SLC22A23: variants seen among roughly 807,000 people sequenced by gnomAD.
The protein encoded by SLC22A23 is solute carrier family 22 member 23.
In SLC22A23, 26 loss-of-function variants were observed where a neutral mutation model predicts 61.0. That is an observed-to-expected ratio of 0.43 (90% CI 0.31 to 0.59). The LOEUF is 0.59. SLC22A23 is among the 20% of genes least tolerant of loss of function. The pLI is 0.11. For synonymous variants in SLC22A23, 430 were observed against 413.9 expected, an observed-to-expected ratio of 1.04 and a Z score of -0.47; for missense variants, 796 against 934.7, an observed-to-expected ratio of 0.85 and a Z score of 1.94.
chr6:3,419,568 T>C (rs1769979223), intron 1 of SLC22A23, among the ~76,000 whole-genome samples: 1 of 152,216 alleles, frequency 6.6e-6, no homozygotes, highest in Non-Finnish European at 1.5e-5. Flanking sequence ...TGGTCAGCTC[T>C]GGCAAGGGTT....
chr6:3,318,170 C>T lies in SLC22A23; in HGVS notation c.1082+5664G>A, dbSNP rs1320841880. Among the ~76,000 whole-genome samples the T allele has an allele frequency of 1.3e-5, 2 of 152,190 alleles. No individual in the cohort carries two copies. The highest frequency in any genetic ancestry group is 2.9e-5 in the Non-Finnish European group (2 of 68,038). ...AACTCTGCAACCCTGCGGCTGCTGC[C>T]TATTAACCAAGCCTTTGTATTTTCT... is the stretch of plus-strand genomic sequence containing the variant. On this transcript the variant is annotated intron_variant, in intron 4 of 9. Coordinates refer to ENST00000406686, the MANE Select transcript of SLC22A23 (RefSeq NM_015482.2). This position sits in a 1 kb window ranked among gnomAD's most constrained non-coding sequence, Gnocchi z 4.3.
rs113989170 is a variant in SLC22A23, at chr6:3,310,330, C to G, written c.1083-12112G>C. ...CCACTCAAGCACCCTGCCTCCCACT[C>G]GAGCACCCTGTCTCCCAGGGAGCAC... On this transcript the variant is annotated intron_variant, in intron 4 of 9. Coordinates refer to ENST00000406686, the MANE Select transcript of SLC22A23 (RefSeq NM_015482.2). Among the ~76,000 whole-genome samples the G allele has an allele frequency of 1.1e-4, 7 of 65,610 alleles. 1 individual carries two copies. Among genetic ancestry groups the G allele is most frequent in the African/African-American group, 4.1e-4 (7 of 16,938 alleles). 43.0% of individuals were successfully genotyped at this position (65,610 alleles called of 152,430 possible). A position where few individuals can be genotyped will look rare whatever the true frequency, so the allele number is the denominator to read the frequency against.
At chr6:3,351,406 G>A (rs766863832) in intron 3 of SLC22A23, among the ~76,000 whole-genome samples, 22 of 152,346 alleles carry the variant, frequency 1.4e-4, no homozygotes, top group Non-Finnish European at 2.6e-4. Context: ...ATCAGCTAGT[G>A]CTGGCAGAAA....
At chr6:3,350,835 C>A (rs1238412369) in intron 3 of SLC22A23, among the ~76,000 whole-genome samples, 1 of 152,182 alleles carries the variant, frequency 6.6e-6, no homozygotes, top group Non-Finnish European at 1.5e-5. Context: ...AATGGAATTT[C>A]TTGGTGGTAA....
chr6:3,389,189 A>G (rs1160148639), intron 3 of SLC22A23, among the ~76,000 whole-genome samples: 1 of 144,112 alleles, frequency 6.9e-6, no homozygotes, highest in East Asian at 2.2e-4. Context: ...AATCACTGCA[A>G]CCCGGGAGGT....
intron 1 of SLC22A23, among the ~76,000 whole-genome samples, chr6:3,453,660 C>T (rs1487234569): frequency 1.3e-5 from 2 of 152,226 alleles, no homozygotes; most frequent in South Asian, 4.1e-4. Flanking sequence ...GGCACACACA[C>T]GCTAAAGGAT....
At chr6:3,401,927 T>C (rs1200119441) in intron 3 of SLC22A23, among the ~76,000 whole-genome samples, 1 of 152,138 alleles carries the variant, frequency 6.6e-6, no homozygotes, top group Non-Finnish European at 1.5e-5. Context: ...GAAACAGAGG[T>C]CATCATCTTC....
At chr6:3,326,691 C>T (rs1763300432) in intron 3 of SLC22A23, among the ~76,000 whole-genome samples, 1 of 152,212 alleles carries the variant, frequency 6.6e-6, no homozygotes, top group Admixed American at 6.5e-5. Flanking sequence ...AAAAACACAG[C>T]GGCTTGATGT....
chr6:3,447,853 G>C (rs1441445836), intron 1 of SLC22A23, among the ~76,000 whole-genome samples: 1 of 148,132 alleles, frequency 6.8e-6, no homozygotes, highest in Non-Finnish European at 1.5e-5. Context: ...CTCCCAAAGT[G>C]CTGGGATTAC....
In SLC22A23 at chr6:3,410,334, C is replaced by T. The variant is rs1483915603; in HGVS notation, c.767G>A (p.Arg256Gln). 1.9e-6 allele frequency: 3 copies of T among 1,606,568 alleles called. No homozygotes were observed. Among genetic ancestry groups the T allele is most frequent in the Non-Finnish European group, 2.5e-6 (3 of 1,176,824 alleles). ...GATGGAAAACAGCAGCACAGGCCGC[C>T]GGCCGACCCTGCATATGGAGAGGGA... ...ITGCIADWVG[R>Q]RPVLLFSIIF... Residue 256 changes from arginine (R) to glutamine (Q), a missense_variant, in exon 3 of 10, where the codon CGG (arginine) becomes CAG (glutamine). Physicochemically the swap from Arg to Gln is conservative, Grantham distance 43. Transcript: ENST00000406686. This position sits in a 1 kb window ranked among gnomAD's most constrained non-coding sequence, Gnocchi z 5.0.
chr6:3,271,159 T>TA lies in SLC22A23; in HGVS notation c.*1895dup, dbSNP rs1758448865. The TA allele has an allele frequency of 6.6e-6, 1 of 152,356 alleles. No homozygotes were observed. Among genetic ancestry groups the TA allele is most frequent in the South Asian group, 2.1e-4 (1 of 4,836 alleles). The allele number at this position is 152,356 out of a possible 1,614,324, so 9.4% of individuals were successfully genotyped here. On this transcript the variant is annotated 3_prime_UTR_variant, in exon 10 of 10. Transcript: ENST00000406686. ...TTGGCACGCAAAGGCTGCACAGATC[T>TA]AAAGAAAGGCCTTTGTAAAGGTGAA...
At chr6:3,320,699 A>C (rs1762897877) in intron 4 of SLC22A23, among the ~76,000 whole-genome samples, 1 of 152,200 alleles carries the variant, frequency 6.6e-6, no homozygotes, top group Non-Finnish European at 1.5e-5. Flanking sequence ...ATTGGCTTTT[A>C]AAGCCAATAA....
intron 4 of SLC22A23, among the ~76,000 whole-genome samples, chr6:3,300,666 G>A (rs1469741661): frequency 6.6e-6 from 1 of 152,244 alleles, no homozygotes; most frequent in South Asian, 2.1e-4. Flanking sequence ...CAGACTGTGA[G>A]AAGCAGAAAA....
intron 1 of SLC22A23, among the ~76,000 whole-genome samples, chr6:3,452,599 T>TAAAAA (rs570923626): frequency 2.0e-4 from 8 of 40,560 alleles, no homozygotes; most frequent in Admixed American, 4.3e-4. Context: ...AGACGCTGTC[T>TAAAAA]AAAAAAAAAA....
At chr6:3,306,588 G>A (rs1211418694) in intron 4 of SLC22A23, among the ~76,000 whole-genome samples, 2 of 152,182 alleles carry the variant, frequency 1.3e-5, no homozygotes, top group Non-Finnish European at 2.9e-5. Context: ...GCTGACTGGA[G>A]AGACTGTCAG....
intron 3 of SLC22A23, among the ~76,000 whole-genome samples, chr6:3,385,571 T>G (rs1172293684): frequency 6.6e-6 from 1 of 152,210 alleles, no homozygotes; most frequent in African/African-American, 2.4e-5. Context: ...TATTTTACCA[T>G]GATCAAACAG....
chr6:3,363,775 C>CTT (rs1043698767), intron 3 of SLC22A23, among the ~76,000 whole-genome samples: 6 of 152,250 alleles, frequency 3.9e-5, no homozygotes, highest in African/African-American at 1.4e-4. Context: ...GAGCTGCCTC[C>CTT]TTGGCCTCTG....
intron 6 of SLC22A23, among the ~76,000 whole-genome samples, chr6:3,287,865 G>T (rs1420956597): frequency 6.6e-6 from 1 of 151,864 alleles, no homozygotes; most frequent in Non-Finnish European, 1.5e-5. Context: ...TGTATTTTTT[G>T]GTAGAGACAG....
At chr6:3,315,168 A>T (rs971889113) in intron 4 of SLC22A23, among the ~76,000 whole-genome samples, 13 of 8,642 alleles carry the variant, frequency 1.5e-3, no homozygotes, top group African/African-American at 3.1e-3. Context: ...GGAAAAGTGC[A>T]AAAAAAAAAA....
Sources: allele counts gnomAD v4.1 joint callset (sites outside exome capture counted in the v4.1 genomes callset), GRCh38; gene constraint gnomAD v4.1.1; non-coding constraint Gnocchi (gnomAD v3.1); transcripts MANE v1.5; gene names NCBI Gene and HGNC (gene_info 2026-07-23, HGNC 2026-07-21).